The following PANK4 variants were observed in gnomAD, a reference collection of about 807,000 sequenced individuals.
PANK4 encodes the protein pantothenate kinase 4 (inactive).
Under a neutral mutation model 87.9 loss-of-function variants are expected in PANK4, and 40 were observed. The ratio of observed to expected loss-of-function variants is 0.46; its 90% confidence interval spans 0.35 to 0.59. PANK4 has a LOEUF of 0.59. Ranked by LOEUF, PANK4 falls within the 20% of genes least tolerant of loss-of-function variation. The pLI is 0.00. For missense variants in PANK4, 926 were observed against 1,072.3 expected (o/e 0.86, Z 1.90); for synonymous variants, 524 against 467.4 (o/e 1.12, Z -1.56).
intron 1 of PANK4, among the ~76,000 whole-genome samples, chr1:2,523,809 C>T (rs749194992): frequency 2.6e-5 from 4 of 152,254 alleles, no homozygotes; most frequent in Non-Finnish European, 4.4e-5. Flanking sequence ...AGGGACCCCT[C>T]GGAATCACAG....
intron 12 of PANK4, among the ~76,000 whole-genome samples, chr1:2,513,471 C>A (rs944021334): frequency 1.3e-5 from 2 of 152,224 alleles, no homozygotes; most frequent in African/African-American, 4.8e-5. Context: ...GCAGAAAGGG[C>A]CAAGGAGGGC....
At position 2,513,953 on chromosome 1, in the gene PANK4, G is replaced by A. The variant is rs374949698; in HGVS notation, c.1575+49C>T. ...GACAGAGACAGGACACGCGGTGCCAGCGGGACGGGGACAAGAGCGAGCGGA... is the reference window on the plus strand; with the variant it reads ...GACAGAGACAGGACACGCGGTGCCAACGGGACGGGGACAAGAGCGAGCGGA... On this transcript the variant is annotated intron_variant, in intron 12 of 18. Coordinates refer to ENST00000378466, the MANE Select transcript of PANK4 (RefSeq NM_018216.4). The A allele has an allele frequency of 1.5e-3, 2,047 of 1,349,204 alleles. 1 individual carries two copies. Among genetic ancestry groups the A allele is most frequent in the Non-Finnish European group, 1.9e-3 (1,738 of 939,268 alleles). 83.6% of individuals were successfully genotyped at this position (1,349,204 alleles called of 1,614,324 possible).
chr1:2,512,824 C>T, intron 13 of PANK4, 64 bp downstream of exon 13: 1 of 1,547,752 alleles, frequency 6.5e-7, no homozygotes. Context: ...TCCTTGCCCG[C>T]AAGCCTGGGG....
At chr1:2,524,582 G>A (rs979327056) in intron 1 of PANK4, among the ~76,000 whole-genome samples, 2 of 152,262 alleles carry the variant, frequency 1.3e-5, no homozygotes, top group Admixed American at 1.3e-4. Flanking sequence ...GGCTCAGCCT[G>A]GAGAACAGGC....
rs1395766187 is a variant in PANK4 at position 2,514,302 on chromosome 1, G to T, written c.1487+52C>A. ...ATCACGGCACTTTCTCAGAGGTGCA[G>T]GGGCCCTCTGGATGGAAGAGGTGGC... On this transcript the variant is annotated intron_variant, in intron 11 of 18. Transcript: ENST00000378466. 4 of 1,376,680 alleles carry T rather than the reference G, an allele frequency of 2.9e-6. No individual in the cohort carries two copies. The Admixed American group carries it at 6.7e-5, about 23-fold the overall frequency. The allele number at this position is 1,376,680 out of a possible 1,614,324, so 85.3% of individuals were successfully genotyped here.
At position 2,520,673 on chromosome 1, in the gene PANK4, C is replaced by A. The variant is rs765722659; in HGVS notation, c.606+50G>T. ...GCTCCTGCACACAGCGAGGGCTTAA[C>A]AAACTATGGCTAAACCATCCACTCA... On this transcript the variant is annotated intron_variant, in intron 4 of 18. Coordinates refer to ENST00000378466, the MANE Select transcript of PANK4 (RefSeq NM_018216.4). The surrounding 1 kb of genome is among the most constrained non-coding windows in gnomAD (Gnocchi z 6.2). The A allele has an allele frequency of 3.2e-6, 5 of 1,561,774 alleles. No individual in the cohort carries two copies. Among genetic ancestry groups the A allele is most frequent in the Admixed American group, 1.7e-5 (1 of 57,756 alleles).
At chr1:2,518,476 A>G (rs1643824786) in intron 8 of PANK4, 40 bp downstream of exon 8, 1 of 1,502,358 alleles carries the variant, frequency 6.7e-7, no homozygotes, top group Non-Finnish European at 9.1e-7. Flanking sequence ...GCCACAGCTG[A>G]GGCCCCACGC....
At position 2,510,106 on chromosome 1, in the gene PANK4, C is replaced by T. The variant is rs1461020429; in HGVS notation, c.1990G>A (p.Glu664Lys). 3.1e-6 allele frequency: 5 copies of T among 1,611,156 alleles called. No homozygotes were observed. The highest frequency in any genetic ancestry group is 4.2e-6 in the Non-Finnish European group (5 of 1,179,270). Reference sequence around the variant, plus strand: ...ATACGCTCTGCCACGATGAGGGACTCGCTGTGGGTCACGTCGTTCAGGGCG... The same window carrying T: ...ATACGCTCTGCCACGATGAGGGACTTGCTGTGGGTCACGTCGTTCAGGGCG... ...GPALNDVTHS[E>K]SLIVAERIAG... The change falls in exon 17 of 19, where the codon GAG (glutamate) becomes AAG (lysine). Residue 664 changes from glutamate (E) to lysine (K), a missense_variant. By Grantham distance (56) the Glu-to-Lys change is moderately conservative. Transcript: ENST00000378466. This position sits in a 1 kb window ranked among gnomAD's most constrained non-coding sequence, Gnocchi z 4.9.
chr1:2,522,292 C>A (rs1643881707), intron 1 of PANK4, among the ~76,000 whole-genome samples: 1 of 152,216 alleles, frequency 6.6e-6, no homozygotes, highest in African/African-American at 2.4e-5. Flanking sequence ...AGCTCCCCTA[C>A]CCTGGAGAGG....
At chr1:2,516,884 A>G (rs1467200431) in intron 9 of PANK4, among the ~76,000 whole-genome samples, 4 of 152,222 alleles carry the variant, frequency 2.6e-5, no homozygotes. Context: ...TGGACAATAT[A>G]AACTGAAATA....
chr1:2,526,514 T>A lies in PANK4; in HGVS notation c.74A>T (p.Asp25Val). 1.9e-6 allele frequency: 3 copies of A among 1,586,622 alleles called. No individual in the cohort carries two copies. In the South Asian group the frequency reaches 3.4e-5, roughly 18 times the overall value. ...GTTCTCCAGGTTGCGGAAGATCTCG[T>A]CGGGGGGCAGCGTGATGCTCTTGTC... The part of the protein sequence containing the change: ...SLDKSITLPP[D>V]EIFRNLENAK... Residue 25 changes from aspartate (D) to valine (V), a missense_variant, in exon 1 of 19, where the codon GAC (aspartate) becomes GTC (valine). Asp to Val is a radical substitution (Grantham distance 152). Transcript: ENST00000378466.
At chr1:2,522,633 A>G (rs1643884213) in intron 1 of PANK4, among the ~76,000 whole-genome samples, 1 of 141,788 alleles carries the variant, frequency 7.1e-6, no homozygotes, top group South Asian at 2.1e-4. Flanking sequence ...ATAGATTTGA[A>G]ACAACATGAA....
Position 2,514,388 on chromosome 1 carries a change from A to G in PANK4, c.1453T>C (p.Trp485Arg), listed in dbSNP as rs1223561808. 6.2e-7 allele frequency: 1 copy of G among 1,612,430 alleles called. No homozygotes were observed. The highest frequency in any genetic ancestry group is 1.1e-5 in the South Asian group (1 of 91,050). ...TGCCTCAGGGTCTGAAGCTTGTTCC[A>G]GTACTTCTGCCGGAACTTCTCCGCC... Reference protein sequence around the residue: ...ERAEKFRQKYWNKLQTLRQQP... With the variant: ...ERAEKFRQKYRNKLQTLRQQP... The change falls in exon 11 of 19, where the codon TGG becomes CGG. Residue 485 changes from tryptophan to arginine, a missense_variant. By Grantham distance (101) the Trp-to-Arg change is moderately radical (BLOSUM62 -3). Coordinates refer to ENST00000378466, the MANE Select transcript of PANK4 (RefSeq NM_018216.4).
In PANK4 at chr1:2,520,610, C is replaced by G. The variant is rs867471221; in HGVS notation, c.606+113G>C. ...CTGAGCTCACAGCCTCGCCACCCCC[C>G]TCCCGCCCACTGGGCCCCATCCATG... On this transcript the variant is annotated intron_variant, in intron 4 of 18. Coordinates refer to ENST00000378466, the MANE Select transcript of PANK4 (RefSeq NM_018216.4). This position sits in a 1 kb window ranked among gnomAD's most constrained non-coding sequence, Gnocchi z 6.2. 127 of 1,161,368 alleles carry G rather than the reference C, an allele frequency of 1.1e-4. 1 individual carries two copies. In the Middle Eastern group the frequency reaches 1.3e-3, roughly 12 times the overall value. The allele number at this position is 1,161,368 out of a possible 1,614,324, so 71.9% of individuals were successfully genotyped here.
chr1:2,515,579 C>T lies in PANK4; in HGVS notation c.1357G>A (p.Glu453Lys), dbSNP rs1245531666. 2 of 1,612,932 alleles carry T rather than the reference C, an allele frequency of 1.2e-6. No homozygotes were observed. The highest frequency in any genetic ancestry group is 1.7e-6 in the Non-Finnish European group (2 of 1,179,968). The change falls in exon 10 of 19, where the codon GAG becomes AAG. Residue 453 changes from glutamate to lysine, a missense_variant. By Grantham distance (56) the Glu-to-Lys change is moderately conservative. Transcript: ENST00000378466. This position sits in a 1 kb window ranked among gnomAD's most constrained non-coding sequence, Gnocchi z 5.0. Reference protein sequence around the residue: ...LARKYWLTCFEEALDGVVKRA... With the variant: ...LARKYWLTCFKEALDGVVKRA... ...GCCCTCACCCCGTCCAGGGCCTCCT[C>T]AAAGCAGGTGAGCCAGTATTTTCGG...
At position 2,519,722 on chromosome 1, in the gene PANK4, G is replaced by T; in HGVS notation, c.853+79C>A. ...CAGGGAGCAGTTGTGGGAAAGCAATGGTGGGGGAAGCTCCTGTCCGTGAGA... is the reference window on the plus strand; with the variant it reads ...CAGGGAGCAGTTGTGGGAAAGCAATTGTGGGGGAAGCTCCTGTCCGTGAGA... On this transcript the variant is annotated intron_variant, in intron 6 of 18. Transcript: ENST00000378466. This position sits in a 1 kb window ranked among gnomAD's most constrained non-coding sequence, Gnocchi z 8.3. 7.2e-7 allele frequency: 1 copy of T among 1,392,030 alleles called. No homozygotes were observed. The highest frequency in any genetic ancestry group is 9.6e-7 in the Non-Finnish European group (1 of 1,041,236). 86.2% of individuals were successfully genotyped at this position (1,392,030 alleles called of 1,614,324 possible).
At chr1:2,511,540 C>A (rs563251614) in intron 14 of PANK4, 88 bp downstream of exon 14, 218 of 1,129,384 alleles carry the variant, frequency 1.9e-4, no homozygotes, top group Non-Finnish European at 2.8e-4. Flanking sequence ...TGCCTGGACC[C>A]CGACCGCAAC....
chr1:2,525,429 G>GGA (rs1643912458), intron 1 of PANK4, among the ~76,000 whole-genome samples: 1 of 152,072 alleles, frequency 6.6e-6, no homozygotes. Context: ...GTGCTAAGAG[G>GGA]GAGAGGTATG....
At chr1:2,517,157 C>G (rs1041186543) in intron 9 of PANK4, among the ~76,000 whole-genome samples, 2 of 152,218 alleles carry the variant, frequency 1.3e-5, no homozygotes, top group African/African-American at 4.8e-5. Flanking sequence ...AAGCTGAGAG[C>G]CTGGGGCTCT....
Sources: gnomAD v4.1 joint callset for allele counts (sites outside exome capture counted in the v4.1 genomes callset) on GRCh38, gnomAD v4.1.1 for gene constraint, Gnocchi (gnomAD v3.1) non-coding constraint, MANE v1.5 for transcripts, NCBI Gene and HGNC (gene_info 2026-07-23, HGNC 2026-07-21) for gene names.